The following EYS variants were observed in gnomAD, a reference collection of about 807,000 sequenced individuals.
The protein encoded by EYS is EGF-like photoreceptor maintenance factor.
Under a neutral mutation model 282.1 loss-of-function variants are expected in EYS, and 250 were observed. The ratio of observed to expected loss-of-function variants is 0.89; its 90% CI spans 0.80 to 0.98. The LOEUF is 0.98. EYS is among the 50% of genes least tolerant of loss of function. The pLI is 0.00. For synonymous variants in EYS, 1,355 were observed against 1,282.9 expected, an observed-to-expected ratio of 1.06 and a Z score of -1.20; for missense variants, 4,016 against 3,709.0, an observed-to-expected ratio of 1.08 and a Z score of -2.15.
chr6:65,369,291 T>C (rs1402472066), intron 8 of EYS, among the ~76,000 whole-genome samples: 2 of 104,624 alleles, frequency 1.9e-5, no homozygotes, highest in African/African-American at 2.9e-5. Context: ...ATATATTATA[T>C]ATATATTTAT....
intron 29 of EYS, among the ~76,000 whole-genome samples, chr6:64,372,035 T>C (rs890727962): frequency 6.6e-6 from 1 of 150,764 alleles, no homozygotes; most frequent in African/African-American, 2.4e-5. Context: ...TGTATTGACA[T>C]GTGCAGATTT....
At chr6:63,910,403 G>A (rs1399681242) in intron 35 of EYS, among the ~76,000 whole-genome samples, 3 of 152,130 alleles carry the variant, frequency 2.0e-5, no homozygotes, top group Non-Finnish European at 4.4e-5. Context: ...GATTTAATTT[G>A]AGATGGAATT....
At chr6:64,894,935 C>G (rs931443584) in intron 18 of EYS, among the ~76,000 whole-genome samples, 2 of 152,144 alleles carry the variant, frequency 1.3e-5, no homozygotes, top group South Asian at 4.1e-4. Flanking sequence ...AGTAATAGGA[C>G]AATTTTTACA....
chr6:65,239,773 C>G (rs1767011148), intron 12 of EYS, among the ~76,000 whole-genome samples: 1 of 151,966 alleles, frequency 6.6e-6, no homozygotes, highest in Non-Finnish European at 1.5e-5. Context: ...ATGTTTACCT[C>G]AGTTGTATAA....
At chr6:65,179,708 A>G (rs1458495958) in intron 12 of EYS, among the ~76,000 whole-genome samples, 3 of 152,144 alleles carry the variant, frequency 2.0e-5, no homozygotes, top group Non-Finnish European at 2.9e-5. Context: ...TCATTTTATG[A>G]GGCCAGTATC....
At chr6:64,927,406 C>T (rs1001911262) in intron 15 of EYS, among the ~76,000 whole-genome samples, 1 of 152,148 alleles carries the variant, frequency 6.6e-6, no homozygotes, top group Admixed American at 6.5e-5. Context: ...CGAAATCTTA[C>T]TTACCTAGAA....
At chr6:64,592,171 T>G (rs1421050291) in intron 25 of EYS, among the ~76,000 whole-genome samples, 182 bp from the exon 26 acceptor site, 1 of 152,162 alleles carries the variant, frequency 6.6e-6, no homozygotes, top group Non-Finnish European at 1.5e-5. Context: ...TTTCACAAAC[T>G]GCATAAATGC....
intron 19 of EYS, 103 bp from the exon 20 acceptor site, chr6:64,822,925 C>A: frequency 1.2e-6 from 1 of 856,336 alleles, no homozygotes; most frequent in East Asian, 2.8e-5. Context: ...AGACCTCTCT[C>A]TATAATGATA....
At chr6:64,460,669 CCTAT>C (rs1338043459) in intron 26 of EYS, among the ~76,000 whole-genome samples, 5 of 152,162 alleles carry the variant, frequency 3.3e-5, no homozygotes, top group African/African-American at 1.2e-4. Flanking sequence ...TTCAGAAATG[CCTAT>C]GGTCTAATGG....
At chr6:64,734,694 G>C (rs1772125915) in intron 22 of EYS, among the ~76,000 whole-genome samples, 1 of 152,154 alleles carries the variant, frequency 6.6e-6, no homozygotes, top group African/African-American at 2.4e-5. Context: ...ACACTAGAAA[G>C]TGTGTATATG....
chr6:63,865,756 C>G (rs1173662500), intron 35 of EYS, among the ~76,000 whole-genome samples: 9 of 152,112 alleles, frequency 5.9e-5, no homozygotes, highest in Admixed American at 5.9e-4. Flanking sequence ...AGGAAAGAAC[C>G]ATTTTTTTCA....
intron 22 of EYS, among the ~76,000 whole-genome samples, chr6:64,657,331 A>G (rs1247042751): frequency 2.0e-5 from 3 of 152,182 alleles, no homozygotes; most frequent in Non-Finnish European, 4.4e-5. Context: ...GTGTCTTTTA[A>G]TTGGAGCATT....
chr6:64,710,956 G>A (rs534932213), intron 22 of EYS, among the ~76,000 whole-genome samples: 1 of 152,244 alleles, frequency 6.6e-6, no homozygotes, highest in East Asian at 1.9e-4. Context: ...GAATAAACCT[G>A]AAAGTTACAC....
In EYS at chr6:64,850,313, A is replaced by G. The variant is rs188527668; in HGVS notation, c.2993-27491T>C. The stretch of plus-strand genomic sequence containing the variant: ...TTTGAAGTCAAACAGATAATATGTA[A>G]TCTCTCATCCATGTTTATTCACTCT... On this transcript the variant is annotated intron_variant, in intron 19 of 42. Transcript: ENST00000503581. 7.4e-4 allele frequency among the ~76,000 whole-genome samples: 113 copies of G among 152,206 alleles called. 4 individuals are homozygous for G. In the South Asian group the frequency reaches 0.013, roughly 17 times the overall value.
chr6:65,128,065 TA>T (rs1238695695), intron 12 of EYS, among the ~76,000 whole-genome samples: 1 of 152,054 alleles, frequency 6.6e-6, no homozygotes, highest in Non-Finnish European at 1.5e-5. Context: ...GGTCTTCCAG[TA>T]AGAACTTCCC....
chr6:65,361,489 C>CTTT (rs56757711), intron 8 of EYS, among the ~76,000 whole-genome samples: 1 of 147,420 alleles, frequency 6.8e-6, no homozygotes, highest in Admixed American at 6.8e-5. Flanking sequence ...TCGTTCGTTC[C>CTTT]TTTTTTTTTT....
chr6:64,110,999 C>G (rs1773185106), intron 31 of EYS, among the ~76,000 whole-genome samples: 1 of 151,804 alleles, frequency 6.6e-6, no homozygotes, highest in African/African-American at 2.4e-5. Flanking sequence ...AGTAGCTGCA[C>G]AGTAGTAGAT....
chr6:64,342,228 T>A (rs1194277914), intron 29 of EYS, among the ~76,000 whole-genome samples: 1 of 151,570 alleles, frequency 6.6e-6, no homozygotes, highest in African/African-American at 2.4e-5. Context: ...TTCCAATGTT[T>A]TAAAAATATA....
chr6:64,151,706 T>C (rs1332994843), intron 31 of EYS, among the ~76,000 whole-genome samples: 1 of 152,054 alleles, frequency 6.6e-6, no homozygotes, highest in East Asian at 1.9e-4. Flanking sequence ...CTTTAAAATA[T>C]TGATATGACT....
Sources: gnomAD v4.1 joint callset for allele counts (sites outside exome capture counted in the v4.1 genomes callset) on GRCh38, gnomAD v4.1.1 for gene constraint, MANE v1.5 for transcripts, NCBI Gene and HGNC (gene_info 2026-07-23, HGNC 2026-07-21) for gene names.